Variants in SYNE2 observed in about 807,000 individuals in gnomAD.
SYNE2 encodes the protein nesprin-2.
SYNE2 carries 431 observed loss-of-function variants against 856.3 expected under a neutral mutation model. The ratio of observed to expected loss-of-function variants is 0.50; its 90% CI spans 0.47 to 0.55. SYNE2 has a LOEUF of 0.55. Ranked by LOEUF, SYNE2 falls within the 20% of genes least tolerant of loss-of-function variation. SYNE2 has a pLI of 0.00. For synonymous variants in SYNE2, 2,923 were observed against 2,872.3 expected, an observed-to-expected ratio of 1.02 and a Z score of -0.56; for missense variants, 8,129 against 8,023.2, an observed-to-expected ratio of 1.01 and a Z score of -0.50.
At chr14:64,172,312 C>A (rs2098415105) in intron 94 of SYNE2, among the ~76,000 whole-genome samples, 1 of 152,158 alleles carries the variant, frequency 6.6e-6, no homozygotes, top group African/African-American at 2.4e-5. Flanking sequence ...TGCTTGGGGT[C>A]TCTCAGGCAG....
intron 106 of SYNE2, 89 bp from the exon 107 acceptor site, chr14:64,215,197 C>T: frequency 8.2e-7 from 1 of 1,214,146 alleles, no homozygotes; most frequent in Non-Finnish European, 1.2e-6. Flanking sequence ...TTTTCTCCTT[C>T]CAGCTGACAA....
At chr14:64,177,573 C>A in intron 96 of SYNE2, 90 bp downstream of exon 96, 1 of 1,520,586 alleles carries the variant, frequency 6.6e-7, no homozygotes, top group Non-Finnish European at 9.1e-7. Context: ...TGTATTGAAA[C>A]TGAGTTTTCA....
chr14:63,841,832 C>CTTTTTTTTTTTTTTTTTTTTTTTTT (rs34947861), intron 1 of SYNE2, among the ~76,000 whole-genome samples: 14 of 115,056 alleles, frequency 1.2e-4, no homozygotes, highest in East Asian at 2.5e-4. Flanking sequence ...TTCTTTCTTT[C>CTTTTTTTTTTTTTTTTTTTTTTTTT]TTTTTTTTTT....
At chr14:63,839,428 C>T (rs917419007) in intron 1 of SYNE2, among the ~76,000 whole-genome samples, 5 of 152,136 alleles carry the variant, frequency 3.3e-5, no homozygotes, top group African/African-American at 1.2e-4. Flanking sequence ...AGCATTACCA[C>T]CCCCCACGCC....
At chr14:63,864,321 A>G (rs1894619247) in intron 1 of SYNE2, 1 of 152,218 alleles carries the variant, frequency 6.6e-6, no homozygotes, top group African/African-American at 2.4e-5. Flanking sequence ...TCTGCTGGAT[A>G]ATAATTAATT....
At position 64,052,762 on chromosome 14, in the gene SYNE2, A is replaced by C. The variant is rs540706990; in HGVS notation, c.8849A>C (p.Glu2950Ala). ...ATAAAGTTTTGCAGACAATTCCATG[A>C]AAAAACATCAGCGCTTCAGGAGGAG... ...HKIKFCRQFH[E>A]KTSALQEEAD... The change falls in exon 48 of 116, where the codon GAA becomes GCA. Residue 2950 changes from glutamate (E) to alanine (A), a missense_variant. Physicochemically the swap from Glu to Ala is moderately radical, Grantham distance 107. Coordinates refer to ENST00000555002, the MANE Select transcript of SYNE2 (RefSeq NM_182914.3). 52 of 1,612,332 alleles carry C rather than the reference A, an allele frequency of 3.2e-5. No individual in the cohort carries two copies. Among genetic ancestry groups the C allele is most frequent in the Non-Finnish European group, 2.4e-5 (28 of 1,179,232 alleles).
chr14:64,211,426 G>A (rs928412245), intron 103 of SYNE2, among the ~76,000 whole-genome samples: 2 of 152,206 alleles, frequency 1.3e-5, no homozygotes, highest in Non-Finnish European at 2.9e-5. Context: ...ACTGCTCTGA[G>A]TCTTCTTTCT....
At chr14:64,209,085 C>A in intron 101 of SYNE2, 140 bp downstream of exon 101, 1 of 1,125,056 alleles carries the variant, frequency 8.9e-7, no homozygotes. Flanking sequence ...CAACGCTTAT[C>A]AAAGGATTTA....
rs765986801 is a variant in SYNE2, at chr14:64,065,438, G to A, written c.10219G>A (p.Val3407Met). 2.0e-5 allele frequency: 32 copies of A among 1,613,942 alleles called. No individual in the cohort carries two copies. The highest frequency in any genetic ancestry group is 2.5e-5 in the Non-Finnish European group (30 of 1,179,948). The stretch of plus-strand genomic sequence containing the variant: ...TTTTCTTTTCTTTCTTAAGGCCTTG[G>A]TGTCAAATCTTATATCAACCAAAGA... ...LERLEQSKAL[V>M]SNLISTKEEL... is the part of the protein sequence containing the mutation. Residue 3407 changes from valine to methionine, a missense_variant, in exon 51 of 116, where the codon GTG becomes ATG. By Grantham distance (21) the Val-to-Met change is conservative. Around this residue, in one of 3 missense-constraint regions of SYNE2, gnomAD observed 5,410 missense variants for 5,284.8 expected, o/e 1.02. Coordinates refer to ENST00000555002, the MANE Select transcript of SYNE2 (RefSeq NM_182914.3).
chr14:64,135,985 C>T (rs1214278472), intron 78 of SYNE2, among the ~76,000 whole-genome samples: 1 of 152,052 alleles, frequency 6.6e-6, no homozygotes, highest in African/African-American at 2.4e-5. Flanking sequence ...AGACTGTATC[C>T]CATGCATACA....
In SYNE2 at chr14:64,002,903, G is replaced by A. The variant is rs776379831; in HGVS notation, c.3970G>A (p.Ala1324Thr). 4 of 1,614,196 alleles carry A rather than the reference G, an allele frequency of 2.5e-6. No homozygotes were observed. The highest frequency in any genetic ancestry group is 1.7e-5 in the Admixed American group (1 of 60,030). ...RVQRSEDTLK[A>T]LEDFLASLRT... The stretch of plus-strand genomic sequence containing the variant: ...GCAGAGGAGTGAAGATACTCTCAAA[G>A]CTCTGGAAGACTTTTTGGCGTCTCT... Residue 1324 changes from alanine (A) to threonine (T), a missense_variant, in exon 30 of 116, where the codon GCT becomes ACT. Around this residue, in one of 3 missense-constraint regions of SYNE2, gnomAD observed 2,422 missense variants for 2,357.4 expected, o/e 1.03. Transcript: ENST00000555002.
At chr14:63,815,202 A>G (rs1471426164) in intron 1 of SYNE2, among the ~76,000 whole-genome samples, 1 of 55,628 alleles carries the variant, frequency 1.8e-5, no homozygotes, top group Non-Finnish European at 5.6e-5. Flanking sequence ...CCATATATAT[A>G]TCCATATATA....
At chr14:63,844,969 G>A (rs1890181986) in intron 1 of SYNE2, among the ~76,000 whole-genome samples, 1 of 152,164 alleles carries the variant, frequency 6.6e-6, no homozygotes, top group Non-Finnish European at 1.5e-5. Context: ...TGGAAATTTA[G>A]AATAATTCCT....
intron 6 of SYNE2, among the ~76,000 whole-genome samples, chr14:63,948,064 C>G (rs1272718612): frequency 6.6e-6 from 1 of 151,930 alleles, no homozygotes; most frequent in African/African-American, 2.4e-5. Context: ...TTAAGAAAGT[C>G]TTCATTATTA....
At chr14:64,146,324 TC>T in intron 84 of SYNE2, 101 bp downstream of exon 84, 1 of 1,100,352 alleles carries the variant, frequency 9.1e-7, no homozygotes, top group Non-Finnish European at 1.3e-6. Context: ...GAAACTCTCT[TC>T]CAGCTCCCCT....
chr14:63,940,756 A>G (rs768370987), intron 3 of SYNE2, 81 bp downstream of exon 3: 129 of 1,292,154 alleles, frequency 1.0e-4, no homozygotes, highest in Non-Finnish European at 1.4e-4. Flanking sequence ...CAAGGAGGCC[A>G]TTAAAAAATG....
Position 63,768,243 on chromosome 14 carries a change from G to A in SYNE2, c.-305+6257G>A, listed in dbSNP as rs144617079. 7.2e-5 allele frequency among the ~76,000 whole-genome samples: 11 copies of A among 151,984 alleles called. No homozygotes were observed. In the East Asian group the frequency reaches 2.1e-3, roughly 29 times the overall value. On this transcript the variant is annotated intron_variant, in intron 1 of 23. Coordinates refer to the SYNE2 transcript ENST00000674003. ...CGCAAACACATCTCTGCCTACAACTGAAAGAATTTGAGTTGACTTGAAGTA... is the reference window on the plus strand; with the variant it reads ...CGCAAACACATCTCTGCCTACAACTAAAAGAATTTGAGTTGACTTGAAGTA...
chr14:63,991,075 G>A lies in SYNE2; in HGVS notation c.2606G>A (p.Gly869Glu), dbSNP rs2096663058. 1 of 1,614,072 alleles carries A rather than the reference G, an allele frequency of 6.2e-7. No homozygotes were observed. The highest frequency in any genetic ancestry group is 2.2e-5 in the East Asian group (1 of 44,876). ...SYMMRAQQLL[G>E]QRESPGELIS... Reference sequence around the variant, plus strand: ...ATGATGAGGGCTCAGCAGTTACTGGGGCAAAGAGAGAGCCCCGGTGAACTC... The same window carrying A: ...ATGATGAGGGCTCAGCAGTTACTGGAGCAAAGAGAGAGCCCCGGTGAACTC... Residue 869 changes from glycine (G) to glutamate (E), a missense_variant, in exon 21 of 116, where the codon GGG becomes GAG. Gly to Glu is a moderately conservative substitution (Grantham distance 98, BLOSUM62 -2). Coordinates refer to ENST00000555002, the MANE Select transcript of SYNE2 (RefSeq NM_182914.3).
chr14:63,955,350 G>A (rs1241096013), intron 8 of SYNE2, among the ~76,000 whole-genome samples: 2 of 152,158 alleles, frequency 1.3e-5, no homozygotes, highest in African/African-American at 4.8e-5. Flanking sequence ...CTGTCCCTAT[G>A]TGGTTGGTCA....
Sources: gnomAD v4.1 joint callset for allele counts (sites outside exome capture counted in the v4.1 genomes callset) on GRCh38, gnomAD v4.1.1 for gene constraint, gnomAD v4.1.1 regional missense constraint, MANE v1.5 for transcripts, NCBI Gene and HGNC (gene_info 2026-07-23, HGNC 2026-07-21) for gene names.